Variants in DISP3 observed in about 807,000 individuals in gnomAD.
DISP3 encodes protein dispatched homolog 3.
Under a neutral mutation model 135.3 loss-of-function variants are expected in DISP3, and 101 were observed. The ratio of observed to expected loss-of-function variants is 0.75; its 90% confidence interval spans 0.64 to 0.88. The LOEUF (loss-of-function observed/expected upper bound fraction) is 0.88. Ranked by LOEUF, DISP3 falls within the 40% of genes least tolerant of loss-of-function variation. The pLI, the probability that DISP3 is intolerant of heterozygous loss-of-function variation, is 0.00. For synonymous variants in DISP3, 856 were observed against 817.0 expected (o/e 1.05, Z -0.81); for missense variants, 1,713 against 1,878.6 (o/e 0.91, Z 1.63).
chr1:11,525,640 G>T (rs973234336), intron 12 of DISP3, among the ~76,000 whole-genome samples: 1 of 152,252 alleles, frequency 6.6e-6, no homozygotes, highest in African/African-American at 2.4e-5. Context: ...TGTTGGAGGG[G>T]TGTGAGGTGA....
chr1:11,535,461 CTGCT>C lies in DISP3; in HGVS notation c.3650-16_3650-13del. The C allele has an allele frequency of 6.3e-7, 1 of 1,594,054 alleles. No individual in the cohort carries two copies. Among genetic ancestry groups the C allele is most frequent in the Non-Finnish European group, 8.6e-7 (1 of 1,167,642 alleles). ...GGGCGGGGGATCCGAGCTGCCCCCC[CTGCT>C]GTCTCCTTGCAGGCATCGTGTGCCT... On this transcript the variant is annotated splice_polypyrimidine_tract_variant and intron_variant, in intron 19 of 20. Coordinates refer to ENST00000294484, the MANE Select transcript of DISP3 (RefSeq NM_020780.2).
intron 1 of DISP3, among the ~76,000 whole-genome samples, chr1:11,490,408 C>T (rs1374967336): frequency 6.6e-6 from 1 of 152,152 alleles, no homozygotes; most frequent in Non-Finnish European, 1.5e-5. Context: ...GCTGGGATTA[C>T]AGGCACCCGC....
intron 1 of DISP3, among the ~76,000 whole-genome samples, chr1:11,490,544 C>T (rs1482040894): frequency 6.6e-6 from 1 of 152,228 alleles, no homozygotes; most frequent in East Asian, 1.9e-4. Flanking sequence ...GCTGGGATTA[C>T]AGGCGTGAGC....
In DISP3 at chr1:11,502,720, A is replaced by G. The variant is rs767641529; in HGVS notation, c.1139A>G (p.Tyr380Cys). ...ATGACTCACCCTGAGTTCTACTGGT[A>G]TGTGGATGAGGGCCTCTCTGCAGAC... ...LAMTHPEFYW[Y>C]VDEGLSADNL... Residue 380 changes from tyrosine (Y) to cysteine (C), a missense_variant, in exon 3 of 21, where the codon TAT becomes TGT. Transcript: ENST00000294484. The G allele has an allele frequency of 1.9e-6, 3 of 1,614,040 alleles. No homozygotes were observed. Among genetic ancestry groups the G allele is most frequent in the South Asian group, 1.1e-5 (1 of 91,078 alleles).
In DISP3 at chr1:11,502,665, C is replaced by T. The variant is rs747599354; in HGVS notation, c.1097-13C>T. 3 of 1,611,426 alleles carry T rather than the reference C, an allele frequency of 1.9e-6. No homozygotes were observed. In the South Asian group the frequency reaches 3.3e-5, roughly 18 times the overall value. ...CAGCTGAACTCTTGGGGCCCCCACCCCTGTCCTTGCAGGCTCCCTGGAGCT... is the reference window on the plus strand; with the variant it reads ...CAGCTGAACTCTTGGGGCCCCCACCTCTGTCCTTGCAGGCTCCCTGGAGCT... On this transcript the variant is annotated splice_polypyrimidine_tract_variant and intron_variant, in intron 2 of 20. Coordinates refer to ENST00000294484, the MANE Select transcript of DISP3 (RefSeq NM_020780.2).
Position 11,536,540 on chromosome 1 carries a change from G to A in DISP3, c.4033G>A (p.Ala1345Thr). The change falls in exon 21 of 21, where the codon GCG becomes ACG. Residue 1345 changes from alanine (A) to threonine (T), a missense_variant. Transcript: ENST00000294484. The surrounding 1 kb of genome is among the most constrained non-coding windows in gnomAD (Gnocchi z 4.3). ...TVSTALLGIM[A>T]PSSFTRTRTS... ...CAGCACCGCCCTGCTGGGCATCATG[G>A]CGCCCAGCTCTTTCACTCGGACCCG... 3 of 1,612,896 alleles carry A rather than the reference G, an allele frequency of 1.9e-6. No individual in the cohort carries two copies. The South Asian group carries it at 3.3e-5, about 18-fold the overall frequency.
At chr1:11,492,555 T>TC (rs2100377750) in intron 1 of DISP3, among the ~76,000 whole-genome samples, 1 of 152,124 alleles carries the variant, frequency 6.6e-6, no homozygotes, top group African/African-American at 2.4e-5. Flanking sequence ...CCGATTCCTC[T>TC]CCCCACCCCC....
intron 1 of DISP3, among the ~76,000 whole-genome samples, chr1:11,479,920 C>T (rs1640845675): frequency 6.6e-6 from 1 of 151,916 alleles, no homozygotes; most frequent in African/African-American, 2.4e-5. Context: ...CGCGTGGGGG[C>T]TTGGGGCGGG....
chr1:11,532,019 G>T (rs1460990213), intron 17 of DISP3, among the ~76,000 whole-genome samples: 1 of 152,164 alleles, frequency 6.6e-6, no homozygotes, highest in Non-Finnish European at 1.5e-5. Flanking sequence ...GTAGGGGCCG[G>T]TGGAAGTCCA....
rs372584112 is a variant in DISP3, at chr1:11,515,510, C to T, written c.1588+7C>T. ...TTCGTGATCGTGGGCATTGGTGAGT[C>T]GCCTCTGTTGTCATGGCAGTGCGCC... On this transcript the variant is annotated splice_region_variant and intron_variant, in intron 5 of 20. Transcript: ENST00000294484. 25 of 1,597,308 alleles carry T rather than the reference C, an allele frequency of 1.6e-5. No homozygotes were observed. The African/African-American group carries it at 1.7e-4, about 11-fold the overall frequency.
At position 11,529,806 on chromosome 1, in the gene DISP3, A is replaced by G; in HGVS notation, c.2949A>G (p.Ser983=). Reference sequence around the variant, plus strand: ...TCGCAGTGCCCAAGGCCCGTCTCTCAGCCACCTTCGGCTTCAACCCCTGCG... The same window carrying G: ...TCGCAGTGCCCAAGGCCCGTCTCTCGGCCACCTTCGGCTTCAACCCCTGCG... The part of the protein sequence containing the change: ...PSEKVPKARL[S]ATFGFNPCVN... The change falls in exon 15 of 21, where the codon TCA becomes TCG. Residue 983 remains serine (S), a synonymous_variant. Transcript: ENST00000294484. This position sits in a 1 kb window ranked among gnomAD's most constrained non-coding sequence, Gnocchi z 4.7. The G allele has an allele frequency of 6.2e-7, 1 of 1,613,710 alleles. No homozygotes were observed. The highest frequency in any genetic ancestry group is 1.3e-5 in the African/African-American group (1 of 75,066).
chr1:11,510,028 G>A (rs1421703755), intron 3 of DISP3, among the ~76,000 whole-genome samples: 2 of 152,128 alleles, frequency 1.3e-5, no homozygotes, highest in Non-Finnish European at 2.9e-5. Flanking sequence ...GAACCCGGGA[G>A]GTGGAGCTTT....
chr1:11,501,859 T>A lies in DISP3; in HGVS notation c.867T>A (p.Ile289=). The A allele has an allele frequency of 6.2e-7, 1 of 1,612,818 alleles. No individual in the cohort carries two copies. Among genetic ancestry groups the A allele is most frequent in the Admixed American group, 1.7e-5 (1 of 59,998 alleles). Residue 289 remains isoleucine (I), a synonymous_variant, in exon 2 of 21, where the codon ATT becomes ATA. Transcript: ENST00000294484. This position sits in a 1 kb window ranked among gnomAD's most constrained non-coding sequence, Gnocchi z 4.9. ...FLARGDAERN[I]FTSERLVTIH... ...CGCGCGGCGACGCGGAGCGCAACAT[T>A]TTCACCAGTGAGCGCCTGGTCACGA... is the stretch of plus-strand genomic sequence containing the variant.
rs1232289099 is a variant in DISP3, at chr1:11,516,101, G to A, written c.1689G>A (p.Lys563=). The A allele has an allele frequency of 1.9e-6, 3 of 1,614,036 alleles. No homozygotes were observed. Among genetic ancestry groups the A allele is most frequent in the Admixed American group, 1.7e-5 (1 of 59,998 alleles). The part of the protein sequence containing the change: ...RMIHTVQTAG[K]ATFFTSLTTA... ...TCCACACCGTCCAAACTGCAGGCAA[G>A]GCCACCTTCTTCACCTCCCTGACCA... The change falls in exon 6 of 21, where the codon AAG becomes AAA. Residue 563 remains lysine, a synonymous_variant. Coordinates refer to ENST00000294484, the MANE Select transcript of DISP3 (RefSeq NM_020780.2). This position sits in a 1 kb window ranked among gnomAD's most constrained non-coding sequence, Gnocchi z 5.1.
At chr1:11,482,545 T>C (rs557603351) in intron 1 of DISP3, among the ~76,000 whole-genome samples, 46 of 152,134 alleles carry the variant, frequency 3.0e-4, no homozygotes, top group Non-Finnish European at 5.0e-4. Flanking sequence ...GCAATAAAAG[T>C]AGGCACCCCA....
chr1:11,501,948 A>C lies in DISP3; in HGVS notation c.956A>C (p.His319Pro), dbSNP rs1469034259. The C allele has an allele frequency of 1.2e-6, 2 of 1,613,642 alleles. No individual in the cohort carries two copies. The highest frequency in any genetic ancestry group is 2.7e-5 in the African/African-American group (2 of 74,938). Reference protein sequence around the residue: ...PGFREFCWKPHEVLKDLPLGS... With the variant: ...PGFREFCWKPPEVLKDLPLGS... ...TTCCGGGAGTTCTGCTGGAAGCCCC[A>C]CGAGGTGCTCAAGGATCTGCCGCTG... Residue 319 changes from histidine to proline, a missense_variant, in exon 2 of 21, where the codon CAC (histidine) becomes CCC (proline). By Grantham distance (77) the His-to-Pro change is moderately conservative (BLOSUM62 -2). Transcript: ENST00000294484. This position sits in a 1 kb window ranked among gnomAD's most constrained non-coding sequence, Gnocchi z 4.9.
In DISP3 at chr1:11,501,557, A is replaced by ACTC; in HGVS notation, c.567_568insCCT (p.Thr189_Ser190insPro). On this transcript the variant is annotated inframe_insertion, in exon 2 of 21. Transcript: ENST00000294484. The surrounding 1 kb of genome is among the most constrained non-coding windows in gnomAD (Gnocchi z 4.9). ...CGGTGGCCCAGGCCCTTACCGGGAC[A>ACTC]CTTCCGCGGCTCAAAAGCCCACAGC... is the stretch of plus-strand genomic sequence containing the variant. 1 of 1,588,450 alleles carries ACTC rather than the reference A, an allele frequency of 6.3e-7. No individual in the cohort carries two copies. Among genetic ancestry groups the ACTC allele is most frequent in the Non-Finnish European group, 8.6e-7 (1 of 1,165,534 alleles).
At chr1:11,489,677 G>A (rs780488220) in intron 1 of DISP3, among the ~76,000 whole-genome samples, 3 of 152,164 alleles carry the variant, frequency 2.0e-5, no homozygotes, top group East Asian at 1.9e-4. Context: ...TCTGGCAGAC[G>A]GAGAAACTAC....
rs542197231 is a variant in DISP3, at chr1:11,535,004, C to T, written c.3536-7C>T. The T allele has an allele frequency of 1.5e-5, 24 of 1,570,566 alleles. No individual in the cohort carries two copies. In the South Asian group the frequency reaches 2.6e-4, roughly 17 times the overall value. ...GCAGCGCACTGAGGCCCTGTCCTCC[C>T]TTGCAGGGGTGCAGAGCGCCCTGTG... is the stretch of plus-strand genomic sequence containing the variant. On this transcript the variant is annotated splice_polypyrimidine_tract_variant and splice_region_variant and intron_variant, in intron 18 of 20. Coordinates refer to ENST00000294484, the MANE Select transcript of DISP3 (RefSeq NM_020780.2).
Sources: gnomAD v4.1 joint callset for allele counts (sites outside exome capture counted in the v4.1 genomes callset) on GRCh38, gnomAD v4.1.1 for gene constraint, Gnocchi (gnomAD v3.1) non-coding constraint, MANE v1.5 for transcripts, NCBI Gene and HGNC (gene_info 2026-07-23, HGNC 2026-07-21) for gene names.